GMDS: variants seen among roughly 807,000 people sequenced by gnomAD.
GMDS encodes the protein GDP-mannose 4,6 dehydratase.
GMDS carries 20 observed loss-of-function variants against 49.9 expected under a neutral mutation model. The observed-to-expected ratio is 0.40, with a 90% CI of 0.28 to 0.58. The LOEUF is 0.58. Ranked by LOEUF, GMDS falls within the 20% of genes least tolerant of loss-of-function variation. GMDS has a pLI of 0.42. For synonymous variants in GMDS, 177 were observed against 178.6 expected (o/e 0.99, Z 0.07); for missense variants, 362 against 481.4 (o/e 0.75, Z 2.32).
In GMDS at chr6:1,833,126, CTTTTTTT is replaced by C. The variant is rs34633662; in HGVS notation, c.772-90547_772-90541del. On this transcript the variant is annotated intron_variant, in intron 7 of 10. Coordinates refer to ENST00000380815, the MANE Select transcript of GMDS (RefSeq NM_001500.4). The surrounding 1 kb of genome is among the most constrained non-coding windows in gnomAD (Gnocchi z 4.4). ...ACCCGGCAGTGGAGCGTATGAAAGCCTTTTTTTTTTTTTTTTTTTTTTTAAACTAATG... is the reference window on the plus strand; with the variant it reads ...ACCCGGCAGTGGAGCGTATGAAAGCCTTTTTTTTTTTTTTTTAAACTAATG... Among the ~76,000 whole-genome samples, 12 of 123,366 alleles carry C rather than the reference CTTTTTTT, an allele frequency of 9.7e-5. No homozygotes were observed. The highest frequency in any genetic ancestry group is 9.3e-4 in the East Asian group (4 of 4,288). 80.9% of individuals were successfully genotyped at this position (123,366 alleles called of 152,430 possible). A position where few individuals can be genotyped will look rare whatever the true frequency, so the allele number is the denominator to read the frequency against.
chr6:1,660,970 A>G (rs1201301931), intron 9 of GMDS, among the ~76,000 whole-genome samples: 5 of 151,806 alleles, frequency 3.3e-5, no homozygotes, highest in African/African-American at 9.7e-5. Context: ...ATATGGCCCA[A>G]GCAGATCACA....
At chr6:1,636,335 T>G (rs1763147335) in intron 9 of GMDS, among the ~76,000 whole-genome samples, 1 of 152,188 alleles carries the variant, frequency 6.6e-6, no homozygotes, top group Non-Finnish European at 1.5e-5. Context: ...TAATGCCCAC[T>G]CTGAAGGTCT....
At chr6:1,738,062 T>C (rs1342594416) in intron 8 of GMDS, among the ~76,000 whole-genome samples, 5 of 111,812 alleles carry the variant, frequency 4.5e-5, no homozygotes, top group South Asian at 2.9e-4. Flanking sequence ...ACCACACACA[T>C]ACACACATAC....
At chr6:2,123,509 C>T (rs749316509) in intron 2 of GMDS, among the ~76,000 whole-genome samples, 7 of 152,314 alleles carry the variant, frequency 4.6e-5, no homozygotes, top group African/African-American at 1.4e-4. Context: ...ATCTGAAACA[C>T]AGTATGGGCA....
chr6:1,969,144 C>T (rs1443124354), intron 4 of GMDS, among the ~76,000 whole-genome samples: 1 of 150,528 alleles, frequency 6.6e-6, no homozygotes, highest in African/African-American at 2.4e-5. Flanking sequence ...TGCCTGTAGT[C>T]CCAGCTGCTT....
At position 1,733,035 on chromosome 6, in the gene GMDS, T is replaced by C. The variant is rs557463388; in HGVS notation, c.891-6523A>G. Among the ~76,000 whole-genome samples, 6 of 152,090 alleles carry C rather than the reference T, an allele frequency of 3.9e-5. No individual in the cohort carries two copies. The East Asian group carries it at 1.2e-3, about 29-fold the overall frequency. ...GCCTGAGCTCTGCCCCAGAGATGGG[T>C]ATTCTGTCACACTAGCTCCGCTACA... On this transcript the variant is annotated intron_variant, in intron 8 of 10. Transcript: ENST00000380815.
At chr6:2,157,128 T>C (rs902548382) in intron 1 of GMDS, among the ~76,000 whole-genome samples, 9 of 152,248 alleles carry the variant, frequency 5.9e-5, no homozygotes, top group African/African-American at 1.4e-4. Context: ...ATCGTCTTCA[T>C]AGACTTATGT....
In GMDS at chr6:2,125,346, G is replaced by A. The variant is rs1041227678; in HGVS notation, c.103-615C>T. 9.0e-4 allele frequency among the ~76,000 whole-genome samples: 137 copies of A among 152,248 alleles called. 1 individual carries two copies. Among genetic ancestry groups the A allele is most frequent in the African/African-American group, 3.2e-3 (131 of 41,540 alleles). On this transcript the variant is annotated intron_variant, in intron 1 of 10. Coordinates refer to ENST00000380815, the MANE Select transcript of GMDS (RefSeq NM_001500.4). The stretch of plus-strand genomic sequence containing the variant: ...GTCTCACTATGTTGCCCAGGCTGGT[G>A]TCAAACTCCTGGACACAAGTGATCT...
chr6:2,009,228 G>A (rs776136812), intron 4 of GMDS, among the ~76,000 whole-genome samples: 11 of 152,122 alleles, frequency 7.2e-5, no homozygotes, highest in Non-Finnish European at 1.0e-4. Context: ...TGTATTTCCT[G>A]ATTGACATTT....
At chr6:1,706,725 T>C (rs1404697958) in intron 9 of GMDS, among the ~76,000 whole-genome samples, 2 of 152,220 alleles carry the variant, frequency 1.3e-5, no homozygotes, top group Non-Finnish European at 2.9e-5. Context: ...CCTTATATGG[T>C]TGTGATCATA....
At chr6:2,062,593 TGGTAA>T (rs1314064595) in intron 4 of GMDS, among the ~76,000 whole-genome samples, 1 of 152,180 alleles carries the variant, frequency 6.6e-6, no homozygotes, top group Non-Finnish European at 1.5e-5. Flanking sequence ...AATATGTGGC[TGGTAA>T]AATTTTAAGG....
At chr6:1,730,221 T>C (rs1766738661) in intron 8 of GMDS, among the ~76,000 whole-genome samples, 1 of 152,202 alleles carries the variant, frequency 6.6e-6, no homozygotes, top group South Asian at 2.1e-4. Flanking sequence ...TGGATAAAGA[T>C]GGTGGTTTTC....
At chr6:1,902,797 A>G (rs779476454) in intron 7 of GMDS, among the ~76,000 whole-genome samples, 1 of 152,204 alleles carries the variant, frequency 6.6e-6, no homozygotes, top group Non-Finnish European at 1.5e-5. Flanking sequence ...AAATTAAACC[A>G]TAATATTTTT....
chr6:1,676,270 G>A (rs764981464), intron 9 of GMDS, among the ~76,000 whole-genome samples: 1 of 152,132 alleles, frequency 6.6e-6, no homozygotes, highest in Non-Finnish European at 1.5e-5. Flanking sequence ...CCACTGCTCA[G>A]CAAAATAAAA....
At chr6:2,028,288 A>C (rs980038917) in intron 4 of GMDS, among the ~76,000 whole-genome samples, 5 of 152,212 alleles carry the variant, frequency 3.3e-5, no homozygotes, top group African/African-American at 1.2e-4. Context: ...CACTTAAGTT[A>C]AATATGTTTT....
At chr6:1,876,806 T>C (rs187580537) in intron 7 of GMDS, among the ~76,000 whole-genome samples, 41 of 152,374 alleles carry the variant, frequency 2.7e-4, no homozygotes, top group Non-Finnish European at 3.8e-4. Flanking sequence ...CTTTTTGATT[T>C]CTAGTAAAAA....
chr6:2,123,101 T>C (rs1775230193), intron 2 of GMDS, among the ~76,000 whole-genome samples: 1 of 152,212 alleles, frequency 6.6e-6, no homozygotes. Flanking sequence ...AAGGGACACC[T>C]AAATGGAGAT....
rs1426502186 is a variant in GMDS, at chr6:2,163,434, T to C, written c.103-38703A>G. Reference sequence around the variant, plus strand: ...GTGTGTGTCTATGTGTGTGTGTGTGTGTGAGAGAGAGAGAGAGATTTACTA... The same window carrying C: ...GTGTGTGTCTATGTGTGTGTGTGTGCGTGAGAGAGAGAGAGAGATTTACTA... On this transcript the variant is annotated intron_variant, in intron 1 of 10. Coordinates refer to ENST00000380815, the MANE Select transcript of GMDS (RefSeq NM_001500.4). 2.8e-5 allele frequency among the ~76,000 whole-genome samples: 4 copies of C among 145,288 alleles called. No individual in the cohort carries two copies. The East Asian group carries it at 7.7e-4, about 28-fold the overall frequency.
At chr6:2,038,719 A>G (rs1273132891) in intron 4 of GMDS, among the ~76,000 whole-genome samples, 1 of 152,104 alleles carries the variant, frequency 6.6e-6, no homozygotes, top group Non-Finnish European at 1.5e-5. Context: ...AAGCACATAA[A>G]TTTTTTCTCC....
Sources: gnomAD v4.1 joint callset for allele counts (sites outside exome capture counted in the v4.1 genomes callset) on GRCh38, gnomAD v4.1.1 for gene constraint, Gnocchi (gnomAD v3.1) non-coding constraint, MANE v1.5 for transcripts, NCBI Gene and HGNC (gene_info 2026-07-23, HGNC 2026-07-21) for gene names.